The following NAV1 variants were observed in gnomAD, a reference collection of about 807,000 sequenced individuals.
NAV1 encodes pore membrane and/or filament interacting like protein 3.
A neutral mutation model predicts 175.2 loss-of-function variants in NAV1; 18 were observed. The observed-to-expected ratio is 0.10, with a 90% confidence interval of 0.07 to 0.15. The LOEUF is 0.15. Among genes scored for constraint, NAV1 ranks in the 10% least tolerant of loss-of-function variants. The pLI, the probability that NAV1 is intolerant of heterozygous loss-of-function variation, is 1.00. For missense variants in NAV1, 1,731 were observed against 2,436.6 expected (o/e 0.71, Z 6.10); for synonymous variants, 897 against 978.7 (o/e 0.92, Z 1.56).
At chr1:201,553,918 G>A (rs150871025) in intron 1 of NAV1, among the ~76,000 whole-genome samples, 8 of 152,314 alleles carry the variant, frequency 5.3e-5, no homozygotes, top group Admixed American at 2.6e-4. Flanking sequence ...CATTGCGGTA[G>A]GATTCACATC....
At chr1:201,566,871 T>C (rs561305607) in intron 1 of NAV1, among the ~76,000 whole-genome samples, 1 of 152,316 alleles carries the variant, frequency 6.6e-6, no homozygotes, top group Admixed American at 6.5e-5. Context: ...TTTGCTTTTT[T>C]GCTTAATATT....
At chr1:201,691,358 C>T (rs930258755) in intron 1 of NAV1, among the ~76,000 whole-genome samples, 1 of 152,126 alleles carries the variant, frequency 6.6e-6, no homozygotes, top group Non-Finnish European at 1.5e-5. Context: ...CCAGAGAAGC[C>T]TCCCTGGAAG....
At position 201,813,136 on chromosome 1, in the gene NAV1, C is replaced by T; in HGVS notation, c.5222-4C>T. 1 of 1,610,826 alleles carries T rather than the reference C, an allele frequency of 6.2e-7. No homozygotes were observed. Among genetic ancestry groups the T allele is most frequent in the Non-Finnish European group, 8.5e-7 (1 of 1,177,142 alleles). ...CATCTTCATGGCCCCATCCTCTTCC[C>T]TAGGCCCTTGCTTCTTTCTGTCGTG... On this transcript the variant is annotated splice_polypyrimidine_tract_variant and splice_region_variant and intron_variant, in intron 27 of 29. Transcript: ENST00000367296. The surrounding 1 kb of genome is among the most constrained non-coding windows in gnomAD (Gnocchi z 4.2).
chr1:201,774,909 A>G (rs1173176225), intron 3 of NAV1, among the ~76,000 whole-genome samples: 2 of 152,226 alleles, frequency 1.3e-5, no homozygotes, highest in African/African-American at 2.4e-5. Context: ...CAGACTGGCA[A>G]GTATGAACTG....
At chr1:201,560,375 T>A (rs1666163169) in intron 1 of NAV1, among the ~76,000 whole-genome samples, 1 of 152,210 alleles carries the variant, frequency 6.6e-6, no homozygotes, top group Non-Finnish European at 1.5e-5. Context: ...ATGGACCCCT[T>A]AGCCAGCGCC....
At chr1:201,664,740 G>T (rs1474118296) in intron 1 of NAV1, among the ~76,000 whole-genome samples, 2 of 152,138 alleles carry the variant, frequency 1.3e-5, no homozygotes, top group African/African-American at 4.8e-5. Flanking sequence ...TTTAGTGGAG[G>T]AGATGAGCCC....
exon 1 of NAV1, chr1:201,648,340 T>C: frequency 8.7e-7 from 1 of 1,143,618 alleles, no homozygotes; most frequent in Non-Finnish European, 1.1e-6. Context: ...GGGGCTTCCA[T>C]CCTTCCTTTG....
chr1:201,788,717 C>T lies in NAV1; in HGVS notation c.3166+79C>T, dbSNP rs1676928887. 2.1e-6 allele frequency: 3 copies of T among 1,397,126 alleles called. No homozygotes were observed. The highest frequency in any genetic ancestry group is 2.9e-6 in the Non-Finnish European group (3 of 1,019,614). 86.5% of individuals were successfully genotyped at this position (1,397,126 alleles called of 1,614,324 possible). On this transcript the variant is annotated intron_variant, in intron 10 of 29. Transcript: ENST00000367296. This position sits in a 1 kb window ranked among gnomAD's most constrained non-coding sequence, Gnocchi z 5.7. ...TCACCCACCACCTCCACTCCCACCACTCCTACCACCACACACATATATGAT... is the reference window on the plus strand; with the variant it reads ...TCACCCACCACCTCCACTCCCACCATTCCTACCACCACACACATATATGAT...
intron 22 of NAV1, 22 bp downstream of exon 26, chr1:201,809,559 A>G (rs768771812): frequency 1.2e-6 from 2 of 1,605,858 alleles, no homozygotes; most frequent in East Asian, 4.5e-5. Context: ...CCTGTACTCA[A>G]AAAGGTTGTT....
chr1:201,778,547 G>A (rs943292905), intron 3 of NAV1, among the ~76,000 whole-genome samples: 1 of 152,162 alleles, frequency 6.6e-6, no homozygotes, highest in Admixed American at 6.5e-5. Context: ...TCTTAGCCCA[G>A]GACAAATGTG....
At chr1:201,715,837 A>C (rs1451243809) in intron 2 of NAV1, among the ~76,000 whole-genome samples, 37 of 152,182 alleles carry the variant, frequency 2.4e-4, no homozygotes, top group Admixed American at 2.4e-3. Flanking sequence ...CATTTCCCCC[A>C]GCGAGGAGAG....
At chr1:201,786,048 C>T (rs1239943663) in intron 8 of NAV1, among the ~76,000 whole-genome samples, 1 of 152,104 alleles carries the variant, frequency 6.6e-6, no homozygotes, top group East Asian at 1.9e-4. Flanking sequence ...CCACCTCAGC[C>T]TCCCAAAGTG....
At chr1:201,707,296 G>A (rs143095154) in intron 1 of NAV1, among the ~76,000 whole-genome samples, 13 of 152,280 alleles carry the variant, frequency 8.5e-5, no homozygotes, top group Admixed American at 5.2e-4. Context: ...GGGTGCACCC[G>A]TTGTTCACCC....
intron 3 of NAV1, among the ~76,000 whole-genome samples, chr1:201,744,131 C>T (rs239986): frequency 0.31 from 46,812 of 152,034 alleles, 8,040 homozygotes; most frequent in Non-Finnish European, 0.39. Context: ...GATCCACCCG[C>T]CTCGTCCTCC....
At chr1:201,819,800 C>G in intron 29 of NAV1, 37 bp from the exon 34 acceptor site, 1 of 1,579,236 alleles carries the variant, frequency 6.3e-7, no homozygotes, top group South Asian at 1.1e-5. Flanking sequence ...ACCCAGAGTC[C>G]CAACTCTCAT....
intron 2 of NAV1, among the ~76,000 whole-genome samples, chr1:201,598,430 C>T (rs765120319): frequency 1.1e-4 from 16 of 152,120 alleles, no homozygotes; most frequent in African/African-American, 2.9e-4. Context: ...AACCACAATT[C>T]GATCAGGTCT....
At chr1:201,676,532 G>C (rs531606) in intron 1 of NAV1, among the ~76,000 whole-genome samples, 1 of 151,896 alleles carries the variant, frequency 6.6e-6, no homozygotes, top group Non-Finnish European at 1.5e-5. Flanking sequence ...AGGCCACACA[G>C]CGAGGGAAGC....
exon 30 of NAV1, chr1:201,822,929 C>T (rs936387863): frequency 1.3e-5 from 2 of 152,682 alleles, no homozygotes; most frequent in Admixed American, 1.3e-4. Flanking sequence ...AAAACCTGAG[C>T]TCCCCACTCA....
intron 3 of NAV1, 70 bp from the exon 8 acceptor site, chr1:201,780,351 A>C (rs1676236541): frequency 2.5e-6 from 4 of 1,584,604 alleles, no homozygotes; most frequent in Non-Finnish European, 3.5e-6. Context: ...TTCTTGCATC[A>C]ATGTGAAACA....
Sources: gnomAD v4.1 joint callset for allele counts (sites outside exome capture counted in the v4.1 genomes callset) on GRCh38, gnomAD v4.1.1 for gene constraint, Gnocchi (gnomAD v3.1) non-coding constraint, MANE v1.5 for transcripts, NCBI Gene and HGNC (gene_info 2026-07-23, HGNC 2026-07-21) for gene names.